The following STX8 variants were observed in gnomAD, a reference collection of about 807,000 sequenced individuals.
STX8 encodes the protein syntaxin 8.
In STX8, 23 loss-of-function variants were observed where a neutral mutation model predicts 37.5. That is an observed-to-expected ratio of 0.61 (90% CI 0.44 to 0.87). The LOEUF is 0.87. Among genes scored for constraint, STX8 ranks in the 40% least tolerant of loss-of-function variants. STX8 has a pLI of 0.00. For synonymous variants in STX8, 115 were observed against 99.1 expected (o/e 1.16, Z -0.95); for missense variants, 313 against 284.7 (o/e 1.10, Z -0.71).
At chr17:9,417,851 C>A (rs1913254936) in intron 6 of STX8, among the ~76,000 whole-genome samples, 2 of 152,174 alleles carry the variant, frequency 1.3e-5, no homozygotes, top group Non-Finnish European at 2.9e-5. Context: ...GCAAATGCAT[C>A]CCTGTGCCAG....
intron 6 of STX8, among the ~76,000 whole-genome samples, chr17:9,408,784 G>A (rs1375306032): frequency 2.0e-5 from 3 of 152,276 alleles, no homozygotes; most frequent in East Asian, 1.9e-4. Context: ...TAACAAAAAC[G>A]GAAGCCATTA....
chr17:9,422,268 CTAATTTTTGTATTT>C (rs1913463252), intron 6 of STX8, among the ~76,000 whole-genome samples: 2 of 152,118 alleles, frequency 1.3e-5, no homozygotes, highest in Admixed American at 1.3e-4. Context: ...CCACACCTGA[CTAATTTTTGTATTT>C]TTTTAGTAGA....
At chr17:9,402,429 A>G (rs1037344392) in intron 6 of STX8, among the ~76,000 whole-genome samples, 2 of 152,084 alleles carry the variant, frequency 1.3e-5, no homozygotes, top group East Asian at 1.9e-4. Context: ...CCTTTTTAAT[A>G]TATTTTTAAA....
chr17:9,310,024 T>G (rs1271961267), intron 7 of STX8, among the ~76,000 whole-genome samples: 1 of 141,088 alleles, frequency 7.1e-6, no homozygotes, highest in Non-Finnish European at 1.5e-5. Context: ...TGACTCTTAT[T>G]AGTCAAGTTG....
chr17:9,517,383 T>A (rs1200768728), intron 4 of STX8, among the ~76,000 whole-genome samples: 1 of 152,154 alleles, frequency 6.6e-6, no homozygotes, highest in Non-Finnish European at 1.5e-5. Flanking sequence ...AATAAATGAA[T>A]GAAATCAATA....
At chr17:9,557,567 G>T in intron 2 of STX8, 39 bp from the exon 3 acceptor site, 1 of 1,567,994 alleles carries the variant, frequency 6.4e-7, no homozygotes, top group South Asian at 1.1e-5. Context: ...TTCTAGTCCA[G>T]AATGTAGAAT....
chr17:9,400,195 C>A (rs140500697), intron 6 of STX8, among the ~76,000 whole-genome samples: 37 of 151,594 alleles, frequency 2.4e-4, no homozygotes, highest in African/African-American at 8.7e-4. Context: ...CTCCGCCTCC[C>A]GGGTTCATGC....
intron 4 of STX8, 139 bp downstream of exon 4, chr17:9,545,033 A>G (rs796179621): frequency 5.4e-5 from 33 of 613,098 alleles, no homozygotes; most frequent in African/African-American, 5.4e-4. Flanking sequence ...TAAATTGAGT[A>G]GAAAATTATA....
chr17:9,570,973 G>A (rs974843273), intron 1 of STX8, among the ~76,000 whole-genome samples: 7 of 151,966 alleles, frequency 4.6e-5, no homozygotes, highest in African/African-American at 1.7e-4. Context: ...GGAAGGAAAC[G>A]TGCCCGGCAC....
intron 6 of STX8, among the ~76,000 whole-genome samples, chr17:9,448,235 A>G (rs1315746725): frequency 6.6e-6 from 1 of 151,884 alleles, no homozygotes; most frequent in Non-Finnish European, 1.5e-5. Context: ...GAATTTGCCT[A>G]CTTGCTAAAA....
At chr17:9,257,168 T>C (rs777620807) in intron 7 of STX8, among the ~76,000 whole-genome samples, 11 of 152,176 alleles carry the variant, frequency 7.2e-5, no homozygotes, top group Non-Finnish European at 1.6e-4. Context: ...AAAATGTCCA[T>C]TTCCTTTGGT....
At chr17:9,540,847 T>G (rs1353223476) in intron 4 of STX8, 1 of 152,232 alleles carries the variant, frequency 6.6e-6, no homozygotes, top group Non-Finnish European at 1.5e-5. Context: ...AGCATGTAAA[T>G]AAGTCTGGCC....
intron 7 of STX8, among the ~76,000 whole-genome samples, chr17:9,301,664 T>G (rs1908792891): frequency 6.6e-6 from 1 of 151,536 alleles, no homozygotes; most frequent in African/African-American, 2.4e-5. Flanking sequence ...GTTTTTTTTT[T>G]TGTATTTTTA....
intron 6 of STX8, among the ~76,000 whole-genome samples, chr17:9,479,273 C>A (rs2142450990): frequency 6.6e-6 from 1 of 152,256 alleles, no homozygotes; most frequent in South Asian, 2.1e-4. Context: ...GTGGCTCACT[C>A]CTGCAATCCC....
At chr17:9,421,164 G>A (rs573618812) in intron 6 of STX8, among the ~76,000 whole-genome samples, 17 of 151,944 alleles carry the variant, frequency 1.1e-4, no homozygotes, top group South Asian at 8.3e-4. Context: ...AGGCCGAGGC[G>A]GGCGGATCAC....
chr17:9,428,005 C>T (rs988686727), intron 6 of STX8, among the ~76,000 whole-genome samples: 3 of 152,120 alleles, frequency 2.0e-5, no homozygotes, highest in African/African-American at 7.2e-5. Flanking sequence ...GTTGAGCTGA[C>T]TCGTGCTATG....
chr17:9,418,960 G>A (rs1413370175), intron 6 of STX8, among the ~76,000 whole-genome samples: 12 of 61,522 alleles, frequency 2.0e-4, no homozygotes, highest in Admixed American at 8.8e-4. Context: ...CTCTCTCCCT[G>A]TCACCCAGGC....
At chr17:9,317,771 GAAAAAA>G (rs201309652) in intron 7 of STX8, among the ~76,000 whole-genome samples, 4 of 91,978 alleles carry the variant, frequency 4.3e-5, no homozygotes, top group South Asian at 3.5e-4. Context: ...CTCAGAAAAA[GAAAAAA>G]AAAAAAAAAA....
chr17:9,380,124 T>C (rs528033508), intron 6 of STX8, among the ~76,000 whole-genome samples: 1 of 152,298 alleles, frequency 6.6e-6, no homozygotes, highest in African/African-American at 2.4e-5. Context: ...CTTTTTATAT[T>C]TACAAACCTA....
Sources: allele counts gnomAD v4.1 joint callset (sites outside exome capture counted in the v4.1 genomes callset), GRCh38; gene constraint gnomAD v4.1.1; transcripts MANE v1.5; gene names NCBI Gene and HGNC (gene_info 2026-07-23, HGNC 2026-07-21).